The following CCDC171 variants were observed in gnomAD, a reference collection of about 807,000 sequenced individuals.
CCDC171 encodes coiled-coil domain-containing protein 171.
CCDC171 carries 177 observed loss-of-function variants against 168.2 expected under a neutral mutation model. The observed-to-expected ratio is 1.05, with a 90% CI of 0.93 to 1.19. The LOEUF (loss-of-function observed/expected upper bound fraction) is 1.19, where lower values mean the gene tolerates loss of function less well. CCDC171 is among the 50% of genes most tolerant of loss of function. The pLI, the probability that CCDC171 is intolerant of heterozygous loss-of-function variation, is 0.00. For missense variants in CCDC171, 1,991 were observed against 1,539.0 expected (o/e 1.29, Z -4.91); for synonymous variants, 687 against 540.8 (o/e 1.27, Z -3.75).
intron 25 of CCDC171, among the ~76,000 whole-genome samples, chr9:15,943,999 C>G (rs556221694): frequency 6.6e-6 from 1 of 151,996 alleles, no homozygotes; most frequent in Non-Finnish European, 1.5e-5. Context: ...AAACAGGATG[C>G]CACTAGCCTG....
chr9:15,880,570 C>T (rs1263703233), intron 24 of CCDC171, among the ~76,000 whole-genome samples: 3 of 151,270 alleles, frequency 2.0e-5, no homozygotes, highest in East Asian at 3.9e-4. Flanking sequence ...GAATTTCCTG[C>T]CTCAGACTCC....
Position 15,600,836 on chromosome 9 carries a change from C to T in CCDC171, c.675+6664C>T, listed in dbSNP as rs935048734. Among the ~76,000 whole-genome samples, 14 of 152,314 alleles carry T rather than the reference C, an allele frequency of 9.2e-5. No homozygotes were observed. The East Asian group carries it at 1.5e-3, about 17-fold the overall frequency. On this transcript the variant is annotated intron_variant, in intron 6 of 25. Transcript: ENST00000380701. ...TTACCTACTCAAGCCTCCACAATGG[C>T]GGGCGTCCCTCCCCCAGCCTCGCTG...
intron 18 of CCDC171, among the ~76,000 whole-genome samples, chr9:15,750,228 A>G (rs1057407341): frequency 6.6e-6 from 1 of 152,196 alleles, no homozygotes; most frequent in Non-Finnish European, 1.5e-5. Context: ...GAAGAAATGT[A>G]TAAATTCCTG....
At chr9:15,906,491 C>T (rs548932606) in intron 24 of CCDC171, among the ~76,000 whole-genome samples, 1 of 152,172 alleles carries the variant, frequency 6.6e-6, no homozygotes, top group Non-Finnish European at 1.5e-5. Context: ...GCTAAAAACT[C>T]TCAATAAGTT....
In CCDC171 at chr9:16,033,671, C is replaced by T. The variant is rs148276437; in HGVS notation, n.999-1786C>T. Among the ~76,000 whole-genome samples the T allele has an allele frequency of 2.7e-3, 407 of 152,238 alleles. 2 individuals carry two copies. Among genetic ancestry groups the T allele is most frequent in the African/African-American group, 9.2e-3 (380 of 41,524 alleles). ...TAAATCTAATGCGCTTGAACCATCC[C>T]GAAACCATCCCCCTACCCCCCACCC... On this transcript the variant is annotated intron_variant and non_coding_transcript_variant, in intron 6 of 9. Transcript: ENST00000486641.
intron 11 of CCDC171, among the ~76,000 whole-genome samples, chr9:15,719,914 A>G (rs1035928912): frequency 2.0e-5 from 3 of 152,098 alleles, no homozygotes; most frequent in Non-Finnish European, 4.4e-5. Context: ...TTAAAAATAT[A>G]TATTTGATAA....
At chr9:15,645,415 A>C (rs1297741797) in intron 7 of CCDC171, among the ~76,000 whole-genome samples, 1 of 152,230 alleles carries the variant, frequency 6.6e-6, no homozygotes, top group African/African-American at 2.4e-5. Flanking sequence ...TGAGAGAAGA[A>C]GGCTTTAGAT....
intron 24 of CCDC171, chr9:15,875,608 A>C (rs2131254879): frequency 6.6e-6 from 1 of 152,154 alleles, no homozygotes; most frequent in Admixed American, 6.5e-5. Flanking sequence ...TGTCTTTCAC[A>C]TGTTGAGATT....
intron 3 of CCDC171, among the ~76,000 whole-genome samples, chr9:15,983,224 T>A: frequency 6.6e-6 from 1 of 152,132 alleles, no homozygotes; most frequent in Non-Finnish European, 1.5e-5. Context: ...ACCCTCCTGC[T>A]TAATCTTTTT....
the CCDC171 span, among the ~76,000 whole-genome samples, chr9:16,068,692 G>T: frequency 4.0e-5 from 6 of 151,776 alleles, no homozygotes; most frequent in African/African-American, 9.7e-5. Context: ...TGCCTGGCAC[G>T]CAGTCAACAT....
downstream of CCDC171, among the ~76,000 whole-genome samples, chr9:15,978,826 C>T (rs1831699483): frequency 6.6e-6 from 1 of 152,154 alleles, no homozygotes; most frequent in South Asian, 2.1e-4. Context: ...GAACAATTTT[C>T]ACCATCTAAT....
At chr9:15,755,287 G>C (rs1413966494) in intron 18 of CCDC171, among the ~76,000 whole-genome samples, 3 of 152,138 alleles carry the variant, frequency 2.0e-5, no homozygotes, top group Admixed American at 2.0e-4. Flanking sequence ...AGAAGGAAAA[G>C]GGAAGGGCAA....
chr9:15,753,642 A>G (rs763756690), intron 18 of CCDC171, among the ~76,000 whole-genome samples: 2 of 152,100 alleles, frequency 1.3e-5, no homozygotes, highest in African/African-American at 2.4e-5. Context: ...GTGTCTTTAC[A>G]TGCTTGCCTA....
intron 13 of CCDC171, 45 bp from the exon 14 acceptor site, chr9:15,724,731 G>A (rs909926292): frequency 1.4e-6 from 2 of 1,389,938 alleles, no homozygotes; most frequent in African/African-American, 2.8e-5. Context: ...CTCACCCCTT[G>A]TTGGCTGGCC....
At chr9:15,560,101 G>A (rs761940600) in intron 1 of CCDC171, among the ~76,000 whole-genome samples, 7 of 152,146 alleles carry the variant, frequency 4.6e-5, no homozygotes, top group Non-Finnish European at 7.4e-5. Context: ...TGAGAGATCC[G>A]CTGTTAGTCT....
At chr9:15,967,676 C>G (rs1174516750) in intron 25 of CCDC171, among the ~76,000 whole-genome samples, 1 of 152,186 alleles carries the variant, frequency 6.6e-6, no homozygotes, top group African/African-American at 2.4e-5. Flanking sequence ...ATGACCCAGT[C>G]AGATTGTAAA....
chr9:15,942,417 A>G (rs1227838393), intron 25 of CCDC171, among the ~76,000 whole-genome samples: 1 of 151,894 alleles, frequency 6.6e-6, no homozygotes, highest in African/African-American at 2.4e-5. Context: ...TGAAAATGTC[A>G]TATTTCTGTG....
intron 21 of CCDC171, among the ~76,000 whole-genome samples, chr9:15,787,270 T>C (rs1311827938): frequency 6.6e-6 from 1 of 152,048 alleles, no homozygotes; most frequent in Non-Finnish European, 1.5e-5. Context: ...TTTTGAAATA[T>C]ACATTATTAT....
intron 8 of CCDC171, among the ~76,000 whole-genome samples, chr9:15,658,577 GT>G: frequency 6.6e-6 from 1 of 152,174 alleles, no homozygotes; most frequent in Non-Finnish European, 1.5e-5. Flanking sequence ...TGAGATGGGA[GT>G]TTGTCCCAGT....
Sources: allele counts gnomAD v4.1 joint callset (sites outside exome capture counted in the v4.1 genomes callset), GRCh38; gene constraint gnomAD v4.1.1; transcripts MANE v1.5; gene names NCBI Gene and HGNC (gene_info 2026-07-23, HGNC 2026-07-21).